Variants in ATP8A2 observed in about 807,000 individuals in gnomAD.
ATP8A2 encodes the protein ATPase phospholipid transporting 8A2.
Under a neutral mutation model 165.6 loss-of-function variants are expected in ATP8A2, and 100 were observed. That is an observed-to-expected ratio of 0.60 (90% CI 0.51 to 0.71). The LOEUF (loss-of-function observed/expected upper bound fraction) is 0.71. ATP8A2 is among the 30% of genes least tolerant of loss of function. ATP8A2 has a pLI of 0.00. For missense variants in ATP8A2, 1,227 were observed against 1,479.5 expected (o/e 0.83, Z 2.80); for synonymous variants, 543 against 548.8 (o/e 0.99, Z 0.15).
intron 25 of ATP8A2, among the ~76,000 whole-genome samples, chr13:25,702,795 C>G (rs1356332202): frequency 6.6e-6 from 1 of 152,126 alleles, no homozygotes; most frequent in African/African-American, 2.4e-5. Context: ...ATTTTCAGAT[C>G]CTTTCAGCAT....
At chr13:25,690,818 G>A (rs756005743) in intron 24 of ATP8A2, among the ~76,000 whole-genome samples, 1 of 151,994 alleles carries the variant, frequency 6.6e-6, no homozygotes, top group Non-Finnish European at 1.5e-5. Flanking sequence ...CTGTATGTGT[G>A]GTATGACTGG....
At chr13:25,470,759 C>T (rs948318192) in intron 2 of ATP8A2, among the ~76,000 whole-genome samples, 14 of 152,142 alleles carry the variant, frequency 9.2e-5, no homozygotes, top group African/African-American at 3.4e-4. Context: ...TATATCCATA[C>T]AGTGCAATAT....
At chr13:25,474,046 G>T (rs2035922093) in intron 2 of ATP8A2, among the ~76,000 whole-genome samples, 1 of 152,100 alleles carries the variant, frequency 6.6e-6, no homozygotes, top group South Asian at 2.1e-4. Flanking sequence ...TTTGAAATGA[G>T]GTCTTCAAAG....
intron 24 of ATP8A2, among the ~76,000 whole-genome samples, chr13:25,671,386 G>A (rs1166244354): frequency 1.1e-4 from 17 of 152,176 alleles, no homozygotes; most frequent in Admixed American, 1.0e-3. Flanking sequence ...AATTGTTCAG[G>A]GAATAAGAGA....
intron 25 of ATP8A2, among the ~76,000 whole-genome samples, chr13:25,748,336 G>C (rs1393014435): frequency 6.6e-6 from 1 of 152,194 alleles, no homozygotes; most frequent in African/African-American, 2.4e-5. Context: ...TGTTTGGAAT[G>C]ACCTGATTTT....
At chr13:25,843,555 T>C (rs1593436416) in intron 30 of ATP8A2, among the ~76,000 whole-genome samples, 1 of 152,094 alleles carries the variant, frequency 6.6e-6, no homozygotes, top group East Asian at 1.9e-4. Flanking sequence ...TGTGGGAATA[T>C]AGCTAGAAGA....
At chr13:25,410,218 C>T (rs11617728) in intron 1 of ATP8A2, among the ~76,000 whole-genome samples, 51,025 of 151,242 alleles carry the variant, frequency 0.34, 9,249 homozygotes, top group African/African-American at 0.44. Flanking sequence ...GGTTTTTTTT[C>T]CCCCTTATGG....
chr13:25,436,682 A>G (rs2034786346), intron 1 of ATP8A2, among the ~76,000 whole-genome samples: 1 of 152,134 alleles, frequency 6.6e-6, no homozygotes, highest in African/African-American at 2.4e-5. Flanking sequence ...GAAATCTCCA[A>G]ACTGCTTTCC....
At chr13:25,795,741 T>C (rs1950486481) in intron 27 of ATP8A2, among the ~76,000 whole-genome samples, 1 of 152,198 alleles carries the variant, frequency 6.6e-6, no homozygotes, top group African/African-American at 2.4e-5. Context: ...TAAAGAAATT[T>C]ATCTCAAATC....
At chr13:25,479,452 G>C (rs1213669875) in intron 2 of ATP8A2, among the ~76,000 whole-genome samples, 1 of 152,136 alleles carries the variant, frequency 6.6e-6, no homozygotes, top group African/African-American at 2.4e-5. Context: ...TTATTAATAA[G>C]TATAATTTCC....
chr13:25,960,312 T>A (rs142292226), intron 33 of ATP8A2, among the ~76,000 whole-genome samples: 90 of 152,178 alleles, frequency 5.9e-4, no homozygotes, highest in African/African-American at 2.1e-3. Flanking sequence ...CAGGCTTGAG[T>A]CAGGTGAATC....
intron 1 of ATP8A2, among the ~76,000 whole-genome samples, chr13:25,431,051 A>G (rs1323842761): frequency 2.0e-5 from 3 of 152,104 alleles, no homozygotes; most frequent in African/African-American, 7.2e-5. Flanking sequence ...GGGTGTGTGC[A>G]TATGGTCTGT....
chr13:25,496,870 A>G (rs1220393687), intron 2 of ATP8A2, among the ~76,000 whole-genome samples: 2 of 152,156 alleles, frequency 1.3e-5, no homozygotes, highest in East Asian at 3.9e-4. Flanking sequence ...TCAGGAGGAA[A>G]TGGGAAATCT....
In ATP8A2 at chr13:25,789,233, G is replaced by T. The variant is rs550269247; in HGVS notation, c.2679+14274G>T. On this transcript the variant is annotated intron_variant, in intron 27 of 36. Coordinates refer to ENST00000381655, the MANE Select transcript of ATP8A2 (RefSeq NM_016529.6). ...ATAGCATATGCAGTCACTACAATTT[G>T]TAAAATATTAAGGATCAGAAGACAA... is the stretch of plus-strand genomic sequence containing the variant. 2.6e-5 allele frequency among the ~76,000 whole-genome samples: 4 copies of T among 152,220 alleles called. No homozygotes were observed. In the South Asian group the frequency reaches 8.3e-4, roughly 32 times the overall value.
chr13:25,843,517 C>G (rs1422675656), intron 30 of ATP8A2, among the ~76,000 whole-genome samples: 1 of 152,048 alleles, frequency 6.6e-6, no homozygotes, highest in Non-Finnish European at 1.5e-5. Context: ...AAAAAGGACC[C>G]TAGAGAGCTC....
chr13:25,626,323 C>T (rs1401467293), intron 24 of ATP8A2, among the ~76,000 whole-genome samples: 1 of 152,112 alleles, frequency 6.6e-6, no homozygotes, highest in Non-Finnish European at 1.5e-5. Flanking sequence ...TAATGAGGGC[C>T]TTCTTGCTGC....
At chr13:25,561,980 G>A (rs1031178138) in intron 15 of ATP8A2, among the ~76,000 whole-genome samples, 10 of 152,304 alleles carry the variant, frequency 6.6e-5, no homozygotes, top group East Asian at 5.8e-4. Context: ...AGTAATATGC[G>A]ATTGCATGTA....
chr13:25,921,644 A>T (rs918675535), intron 33 of ATP8A2, among the ~76,000 whole-genome samples: 2 of 151,908 alleles, frequency 1.3e-5, no homozygotes, highest in African/African-American at 4.8e-5. Context: ...AAAAAGAAAA[A>T]AACTGAGTTG....
intron 25 of ATP8A2, among the ~76,000 whole-genome samples, chr13:25,764,935 G>T (rs1593311400): frequency 6.6e-6 from 1 of 152,294 alleles, no homozygotes; most frequent in African/African-American, 2.4e-5. Context: ...ATCTGCTTAG[G>T]TTTGTTCAGA....
Sources: gnomAD v4.1 joint callset for allele counts (sites outside exome capture counted in the v4.1 genomes callset) on GRCh38, gnomAD v4.1.1 for gene constraint, MANE v1.5 for transcripts, NCBI Gene and HGNC (gene_info 2026-07-23, HGNC 2026-07-21) for gene names.